POU2F1: variants seen among roughly 807,000 people sequenced by gnomAD.
The protein encoded by POU2F1 is POU class 2 homeobox 1.
POU2F1 carries 16 observed loss-of-function variants against 84.9 expected under a neutral mutation model. That is an observed-to-expected ratio of 0.19 (90% confidence interval 0.13 to 0.29). The LOEUF is 0.29. POU2F1 is among the 10% of genes least tolerant of loss of function. The pLI, the probability that POU2F1 is intolerant of heterozygous loss-of-function variation, is 1.00. For missense variants in POU2F1, 738 were observed against 942.6 expected (o/e 0.78, Z 2.84); for synonymous variants, 368 against 368.3 (o/e 1.00, Z 0.01).
At chr1:167,379,094 GA>G (rs148654987) in intron 7 of POU2F1, 12,047 of 144,052 alleles carry the variant, frequency 0.084, 644 homozygotes, top group Non-Finnish European at 0.12. Context: ...GGCTAATTGA[GA>G]AAAAAAAAAA....
chr1:167,264,898 C>A (rs1019065751), intron 1 of POU2F1, among the ~76,000 whole-genome samples: 1 of 152,152 alleles, frequency 6.6e-6, no homozygotes, highest in East Asian at 1.9e-4. Context: ...CATGCTCCCA[C>A]CTCAGGGCCT....
Position 167,399,316 on chromosome 1 carries a change from G to A in POU2F1, c.1400G>A (p.Gly467Glu), listed in dbSNP as rs1181305082. Residue 467 changes from glycine to glutamate, a missense_variant, in exon 12 of 16, where the codon GGG (glycine) becomes GAG (glutamate). Gly to Glu is a moderately conservative substitution (Grantham distance 98). Coordinates refer to ENST00000367866, the MANE Select transcript of POU2F1 (RefSeq NM_002697.4). ...EKRINPPSSG[G>E]TSSSPIKAIF... is the part of the protein sequence containing the mutation. The stretch of plus-strand genomic sequence containing the variant: ...AGAATCAACCCACCAAGCAGTGGTG[G>A]GACCAGCAGCTCACCTATTAAAGCA... 15 of 1,613,860 alleles carry A rather than the reference G, an allele frequency of 9.3e-6. No individual in the cohort carries two copies. The highest frequency in any genetic ancestry group is 1.3e-5 in the Non-Finnish European group (15 of 1,179,938).
rs1650895239 is a variant in POU2F1 at position 167,425,392 on chromosome 1, G to T, written c.*9582G>T. The stretch of plus-strand genomic sequence containing the variant: ...ACTTAGAAGAGTGAGGCCAGGGAAG[G>T]TGGGGCGGGGGGACCCTCTGACTGG... On this transcript the variant is annotated 3_prime_UTR_variant, in exon 16 of 16. Coordinates refer to ENST00000367866, the MANE Select transcript of POU2F1 (RefSeq NM_002697.4). 6.6e-6 allele frequency: 1 copy of T among 152,364 alleles called. No individual in the cohort carries two copies. Among genetic ancestry groups the T allele is most frequent in the African/African-American group, 2.4e-5 (1 of 41,474 alleles). The allele number at this position is 152,364 out of a possible 1,614,324, so 9.4% of individuals were successfully genotyped here.
intron 1 of POU2F1, among the ~76,000 whole-genome samples, chr1:167,331,565 T>G (rs1657088099): frequency 6.6e-6 from 1 of 152,096 alleles, no homozygotes; most frequent in Non-Finnish European, 1.5e-5. Context: ...ATTCTAAGTT[T>G]GAGTTTACAG....
In POU2F1 at chr1:167,361,267, T is replaced by G. The variant is rs186761925; in HGVS notation, c.128-4200T>G. The stretch of plus-strand genomic sequence containing the variant: ...ATCCTTGCCTTGTTCTTAGGGGAAA[T>G]GCTTTCAACTTTTGACTGTTCCATA... On this transcript the variant is annotated intron_variant, in intron 2 of 15. Coordinates refer to ENST00000367866, the MANE Select transcript of POU2F1 (RefSeq NM_002697.4). Among the ~76,000 whole-genome samples the G allele has an allele frequency of 2.0e-3, 307 of 152,340 alleles. 1 individual carries two copies. The highest frequency in any genetic ancestry group is 4.4e-3 in the Admixed American group (68 of 15,308).
intron 3 of POU2F1, among the ~76,000 whole-genome samples, chr1:167,365,905 C>T (rs933124478): frequency 9.2e-5 from 14 of 152,170 alleles, no homozygotes; most frequent in African/African-American, 3.4e-4. Context: ...GCTACCATTG[C>T]CTGAGACCTG....
At chr1:167,245,825 G>A (rs1302287667) in intron 1 of POU2F1, among the ~76,000 whole-genome samples, 5 of 152,158 alleles carry the variant, frequency 3.3e-5, no homozygotes, top group Middle Eastern at 3.2e-3. Flanking sequence ...CCAAAGTGTT[G>A]GAATTACAGG....
Position 167,374,263 on chromosome 1 carries a change from G to A in POU2F1, c.558G>A (p.Gln186=). 1 of 1,613,022 alleles carries A rather than the reference G, an allele frequency of 6.2e-7. No homozygotes were observed. Among genetic ancestry groups the A allele is most frequent in the Non-Finnish European group, 8.5e-7 (1 of 1,179,636 alleles). Reference sequence around the variant, plus strand: ...CCTCTGCTGCCACGCCCATGACGCAGATCCCCCTGTCTCAGCCCATACAGA... The same window carrying A: ...CCTCTGCTGCCACGCCCATGACGCAAATCCCCCTGTCTCAGCCCATACAGA... ...ISASAATPMT[Q]IPLSQPIQIA... The change falls in exon 6 of 16, where the codon CAG becomes CAA. Residue 186 remains glutamine, a synonymous_variant. Coordinates refer to ENST00000367866, the MANE Select transcript of POU2F1 (RefSeq NM_002697.4).
intron 11 of POU2F1, among the ~76,000 whole-genome samples, chr1:167,398,386 A>G (rs1310271603): frequency 1.3e-5 from 2 of 152,206 alleles, no homozygotes; most frequent in East Asian, 3.8e-4. Context: ...TAGGATACAT[A>G]GGAATTAATT....
intron 1 of POU2F1, among the ~76,000 whole-genome samples, chr1:167,222,956 CACTT>C (rs957758644): frequency 6.6e-6 from 1 of 152,056 alleles, no homozygotes; most frequent in African/African-American, 2.4e-5. Flanking sequence ...GTAAAACTGA[CACTT>C]TTTTTTTCCT....
At chr1:167,414,773 G>A in intron 15 of POU2F1, 1 of 944,520 alleles carries the variant, frequency 1.1e-6, no homozygotes, top group South Asian at 4.9e-5. Flanking sequence ...CAAGTATTTA[G>A]CCTCAGGAAG....
At chr1:167,242,929 T>C (rs1571150419) in intron 1 of POU2F1, among the ~76,000 whole-genome samples, 1 of 152,010 alleles carries the variant, frequency 6.6e-6, no homozygotes, top group African/African-American at 2.4e-5. Flanking sequence ...TCTCCCTCTC[T>C]CCCTCCCCCT....
chr1:167,327,226 A>G (rs1656765838), intron 1 of POU2F1, among the ~76,000 whole-genome samples: 2 of 152,226 alleles, frequency 1.3e-5, no homozygotes, highest in South Asian at 4.1e-4. Flanking sequence ...ACTGCATCAC[A>G]TTCCTCCAGT....
intron 1 of POU2F1, among the ~76,000 whole-genome samples, chr1:167,275,032 A>G (rs414258): frequency 8.9e-6 from 1 of 112,476 alleles, no homozygotes; most frequent in African/African-American, 3.3e-5. Flanking sequence ...AAATAAATGT[A>G]TTTTTTTTTT....
At chr1:167,235,672 G>A (rs1382422999) in intron 1 of POU2F1, among the ~76,000 whole-genome samples, 1 of 152,174 alleles carries the variant, frequency 6.6e-6, no homozygotes, top group Non-Finnish European at 1.5e-5. Context: ...AGGAGTCATA[G>A]TGCATATCCT....
At chr1:167,397,096 T>C (rs1280369367) in intron 10 of POU2F1, among the ~76,000 whole-genome samples, 3 of 152,186 alleles carry the variant, frequency 2.0e-5, no homozygotes, top group African/African-American at 7.2e-5. Context: ...GGCATCTGTT[T>C]CCCAAGTCCA....
chr1:167,354,297 A>C (rs950883978), intron 2 of POU2F1, among the ~76,000 whole-genome samples: 13 of 151,614 alleles, frequency 8.6e-5, no homozygotes, highest in Non-Finnish European at 1.5e-4. Context: ...ATTTTTATTT[A>C]TTTATTTATT....
chr1:167,221,052 G>A (rs1158616696), intron 1 of POU2F1, 94 bp downstream of exon 1: 1 of 1,133,908 alleles, frequency 8.8e-7, no homozygotes, highest in East Asian at 2.6e-5. Context: ...TTAGTACTCA[G>A]GATTATTATA....
intron 1 of POU2F1, among the ~76,000 whole-genome samples, chr1:167,275,024 A>G (rs1652622963): frequency 6.9e-6 from 1 of 144,260 alleles, no homozygotes; most frequent in South Asian, 2.2e-4. Context: ...ACTTAGTCAA[A>G]TAAATGTATT....
Sources: gnomAD v4.1 joint callset for allele counts (sites outside exome capture counted in the v4.1 genomes callset) on GRCh38, gnomAD v4.1.1 for gene constraint, MANE v1.5 for transcripts, NCBI Gene and HGNC (gene_info 2026-07-23, HGNC 2026-07-21) for gene names.